The following RBFOX1 variants were observed in gnomAD, a reference collection of about 807,000 sequenced individuals.
The protein encoded by RBFOX1 is RNA binding protein fox-1 homolog 1.
Under a neutral mutation model 57.7 loss-of-function variants are expected in RBFOX1, and 8 were observed. The ratio of observed to expected loss-of-function variants is 0.14; its 90% CI spans 0.08 to 0.25. RBFOX1 has a LOEUF of 0.25. RBFOX1 is among the 10% of genes least tolerant of loss of function. The pLI, the probability that RBFOX1 is intolerant of heterozygous loss-of-function variation, is 1.00. For missense variants in RBFOX1, 611 were observed against 548.5 expected, an observed-to-expected ratio of 1.11 and a Z score of -1.14; for synonymous variants, 326 against 222.4, an observed-to-expected ratio of 1.47 and a Z score of -4.15.
At chr16:5,880,933 G>A (rs2057746528) in intron 4 of RBFOX1, among the ~76,000 whole-genome samples, 1 of 152,176 alleles carries the variant, frequency 6.6e-6, no homozygotes, top group African/African-American at 2.4e-5. Flanking sequence ...GTAGCGATAA[G>A]CATTATGATA....
intron 4 of RBFOX1, among the ~76,000 whole-genome samples, chr16:7,398,775 G>T (rs55848029): frequency 0.081 from 12,355 of 152,198 alleles, 555 homozygotes; most frequent in East Asian, 0.2. Flanking sequence ...TGTGGCTGGG[G>T]GCCAGCTATT....
In RBFOX1 at chr16:6,471,579, G is replaced by GA. The variant is rs33941933; in HGVS notation, c.-64+154538dup. 6.1e-3 allele frequency among the ~76,000 whole-genome samples: 853 copies of GA among 140,014 alleles called. 5 individuals are homozygous for GA. The highest frequency in any genetic ancestry group is 0.017 in the African/African-American group (616 of 36,402). 91.9% of individuals were successfully genotyped at this position (140,014 alleles called of 152,430 possible). On this transcript the variant is annotated intron_variant, in intron 2 of 15. Transcript: ENST00000550418. Reference sequence around the variant, plus strand: ...GAAGATATCTTTATGCTTATAATTGGAAAAAAAAAAAAAAAACCTCTAGTG... The same window carrying GA: ...GAAGATATCTTTATGCTTATAATTGGAAAAAAAAAAAAAAAAACCTCTAGTG...
chr16:6,511,027 G>T (rs1232712747), intron 2 of RBFOX1, among the ~76,000 whole-genome samples: 7 of 152,158 alleles, frequency 4.6e-5, no homozygotes, highest in African/African-American at 1.4e-4. Flanking sequence ...GTTCTGAGGG[G>T]TGTATGTTTA....
At position 6,511,082 on chromosome 16, in the gene RBFOX1, G is replaced by A. The variant is rs562284193; in HGVS notation, c.-63-143521G>A. 9.2e-5 allele frequency among the ~76,000 whole-genome samples: 14 copies of A among 152,276 alleles called. No homozygotes were observed. The East Asian group carries it at 9.7e-4, about 11-fold the overall frequency. On this transcript the variant is annotated intron_variant, in intron 2 of 15. Coordinates refer to ENST00000550418, the MANE Select transcript of RBFOX1 (RefSeq NM_018723.4). ...AAGCATCCAGGACCATTGAGGTAGC[G>A]TGGATCAGAATGGCTTTTCCACGTA...
chr16:7,132,735 A>C (rs1221914878), intron 4 of RBFOX1, among the ~76,000 whole-genome samples: 1 of 152,180 alleles, frequency 6.6e-6, no homozygotes, highest in Non-Finnish European at 1.5e-5. Flanking sequence ...AGTCACAAGA[A>C]GACAAATACT....
chr16:6,003,428 C>G (rs1467655116), intron 4 of RBFOX1, among the ~76,000 whole-genome samples: 3 of 152,158 alleles, frequency 2.0e-5, no homozygotes, highest in East Asian at 1.9e-4. Context: ...CAAACAGTTT[C>G]TCCTCCTGCA....
chr16:7,662,397 C>G (rs1027003332), intron 12 of RBFOX1, among the ~76,000 whole-genome samples: 1 of 152,194 alleles, frequency 6.6e-6, no homozygotes, highest in South Asian at 2.1e-4. Flanking sequence ...AAACCTCAGA[C>G]TCCTCCCGAC....
chr16:7,122,926 T>C (rs1367182035), intron 4 of RBFOX1, among the ~76,000 whole-genome samples: 1 of 151,946 alleles, frequency 6.6e-6, no homozygotes, highest in Non-Finnish European at 1.5e-5. Flanking sequence ...AGCATTATGC[T>C]AAGAGAAGGA....
At chr16:7,244,169 C>A (rs912983686) in intron 4 of RBFOX1, among the ~76,000 whole-genome samples, 2 of 139,442 alleles carry the variant, frequency 1.4e-5, no homozygotes, top group Non-Finnish European at 3.1e-5. Context: ...GAAAAAAAAT[C>A]AGAGTAAATA....
intron 1 of RBFOX1, among the ~76,000 whole-genome samples, chr16:5,389,018 C>G (rs1296141971): frequency 6.6e-6 from 1 of 151,170 alleles, no homozygotes; most frequent in Non-Finnish European, 1.5e-5. Context: ...GGTGAAACCC[C>G]ATCTCTAGTA....
rs994055672 is a variant in RBFOX1 at position 6,910,060 on chromosome 16, C to T, written c.-15-141997C>T. ...CTTACCTCTACAGGCTACAAGTCTC[C>T]TAGGAAGGGATATTGTGCCTGTACG... is the stretch of plus-strand genomic sequence containing the variant. On this transcript the variant is annotated intron_variant, in intron 3 of 15. Transcript: ENST00000550418. Among the ~76,000 whole-genome samples the T allele has an allele frequency of 3.3e-5, 5 of 151,962 alleles. No homozygotes were observed. The South Asian group carries it at 8.3e-4, about 25-fold the overall frequency.
intron 5 of RBFOX1, among the ~76,000 whole-genome samples, chr16:7,533,584 T>C (rs1381833434): frequency 6.6e-6 from 1 of 152,160 alleles, no homozygotes; most frequent in South Asian, 2.1e-4. Flanking sequence ...CACAGAACAC[T>C]TGTATGAGCC....
intron 3 of RBFOX1, among the ~76,000 whole-genome samples, chr16:5,659,763 G>T (rs990367062): frequency 6.6e-6 from 1 of 152,192 alleles, no homozygotes; most frequent in Non-Finnish European, 1.5e-5. Flanking sequence ...CCAAGGTAGA[G>T]AACAAACCAC....
intron 2 of RBFOX1, chr16:6,483,129 C>G: frequency 9.6e-7 from 1 of 1,044,342 alleles, no homozygotes; most frequent in Non-Finnish European, 1.1e-6. Flanking sequence ...CCACTGCCTT[C>G]CCCCAGCTGC....
At chr16:7,041,480 G>C (rs1251711638) in intron 3 of RBFOX1, among the ~76,000 whole-genome samples, 2 of 152,054 alleles carry the variant, frequency 1.3e-5, no homozygotes, top group African/African-American at 4.8e-5. Flanking sequence ...TCTCAGTTCT[G>C]GGTCTGTTCT....
At chr16:5,731,740 G>T (rs766965620) in intron 3 of RBFOX1, among the ~76,000 whole-genome samples, 5 of 152,214 alleles carry the variant, frequency 3.3e-5, no homozygotes, top group Non-Finnish European at 7.3e-5. Flanking sequence ...TGTGGGTAGG[G>T]AGAATAGCGG....
chr16:6,460,835 A>AAAAAG (rs1399423047), intron 2 of RBFOX1, among the ~76,000 whole-genome samples: 1 of 151,826 alleles, frequency 6.6e-6, no homozygotes, highest in Non-Finnish European at 1.5e-5. Context: ...ACCAAAAAAA[A>AAAAAG]AAAAAAGTGG....
At chr16:6,124,872 C>T (rs1286293428) in intron 1 of RBFOX1, among the ~76,000 whole-genome samples, 1 of 152,016 alleles carries the variant, frequency 6.6e-6, no homozygotes, top group Non-Finnish European at 1.5e-5. Flanking sequence ...TAAAAATAGC[C>T]CAAACAAGCA....
chr16:6,811,339 T>A (rs940379124), intron 3 of RBFOX1, among the ~76,000 whole-genome samples: 2 of 152,216 alleles, frequency 1.3e-5, no homozygotes, highest in Non-Finnish European at 2.9e-5. Flanking sequence ...TGGATAAGAT[T>A]TAAAAATATT....
Sources: gnomAD v4.1 joint callset for allele counts (sites outside exome capture counted in the v4.1 genomes callset) on GRCh38, gnomAD v4.1.1 for gene constraint, MANE v1.5 for transcripts, NCBI Gene and HGNC (gene_info 2026-07-23, HGNC 2026-07-21) for gene names.